The following NKX2-2 variants were observed in gnomAD, a reference collection of about 807,000 sequenced individuals.
The protein encoded by NKX2-2 is homeobox protein Nkx-2.2.
Under a neutral mutation model 24.6 loss-of-function variants are expected in NKX2-2, and 8 were observed. The ratio of observed to expected loss-of-function variants is 0.32; its 90% CI spans 0.19 to 0.59. The LOEUF (loss-of-function observed/expected upper bound fraction) is 0.59, where lower values mean the gene tolerates loss of function less well. Ranked by LOEUF, NKX2-2 falls within the 20% of genes least tolerant of loss-of-function variation. The pLI is 0.86. For missense variants in NKX2-2, 381 were observed against 373.9 expected (o/e 1.02, Z -0.16); for synonymous variants, 217 against 173.3 (o/e 1.25, Z -1.98).
Position 21,513,584 on chromosome 20 carries a change from G to T in NKX2-2, c.86C>A (p.Ala29Asp). 1 of 1,613,550 alleles carries T rather than the reference G, an allele frequency of 6.2e-7. No homozygotes were observed. The highest frequency in any genetic ancestry group is 1.1e-5 in the South Asian group (1 of 90,946). ...CTCGTTCTCTTCCTCCGGACCTTCG[G>T]CCACAGAGCCCTCCTCATCGTTGGT... ...PDTNDEEGSV[A>D]EGPEEENEGP... The change falls in exon 1 of 2, where the codon GCC (alanine) becomes GAC (aspartate). Residue 29 changes from alanine (A) to aspartate (D), a missense_variant. Ala to Asp is a moderately radical substitution (Grantham distance 126, BLOSUM62 -2). Coordinates refer to ENST00000377142, the MANE Select transcript of NKX2-2 (RefSeq NM_002509.4). The surrounding 1 kb of genome is among the most constrained non-coding windows in gnomAD (Gnocchi z 4.6).
upstream of NKX2-2, among the ~76,000 whole-genome samples, chr20:21,515,603 G>T (rs1044466554): frequency 5.9e-5 from 9 of 151,876 alleles, no homozygotes; most frequent in East Asian, 5.8e-4. Context: ...TTTTTGGGGG[G>T]GGGGTGCAGG....
chr20:21,513,388 G>C lies in NKX2-2; in HGVS notation c.259+23C>G. The C allele has an allele frequency of 6.6e-7, 1 of 1,506,706 alleles. No homozygotes were observed. Among genetic ancestry groups the C allele is most frequent in the Non-Finnish European group, 8.9e-7 (1 of 1,126,238 alleles). 93.3% of individuals were successfully genotyped at this position (1,506,706 alleles called of 1,614,324 possible). A position where few individuals can be genotyped will look rare whatever the true frequency, so the allele number is the denominator to read the frequency against. ...CAGGAATGGAGGGGACCACGGCCTC[G>C]GCAGCCAAGTTTTGCTACTTACGGG... On this transcript the variant is annotated intron_variant, in intron 1 of 1. Coordinates refer to ENST00000377142, the MANE Select transcript of NKX2-2 (RefSeq NM_002509.4). This position sits in a 1 kb window ranked among gnomAD's most constrained non-coding sequence, Gnocchi z 4.6.
At chr20:21,521,401 C>T in the NKX2-2 span, among the ~76,000 whole-genome samples, 2 of 152,158 alleles carry the variant, frequency 1.3e-5, no homozygotes, top group Non-Finnish European at 2.9e-5. Context: ...CTGACACAAA[C>T]GAGAACTGTC....
chr20:21,512,501 G>A lies in NKX2-2; in HGVS notation c.260-16C>T, dbSNP rs1400162514. On this transcript the variant is annotated splice_polypyrimidine_tract_variant and intron_variant, in intron 1 of 1. Transcript: ENST00000377142. ...AGACCGTGCACTGGGGGGAGGGGGA[G>A]AGAGAAGCGCGTCAGGCGTCTGGAG... The A allele has an allele frequency of 1.3e-6, 2 of 1,529,232 alleles. No individual in the cohort carries two copies. Among genetic ancestry groups the A allele is most frequent in the East Asian group, 4.6e-5 (2 of 43,716 alleles). The allele number at this position is 1,529,232 out of a possible 1,614,324, so 94.7% of individuals were successfully genotyped here.
At chr20:21,520,711 T>TG in the NKX2-2 span, among the ~76,000 whole-genome samples, 5 of 152,254 alleles carry the variant, frequency 3.3e-5, no homozygotes, top group Non-Finnish European at 7.4e-5. Context: ...ACCGGTTTAT[T>TG]GGGGAACCAA....
the NKX2-2 span, among the ~76,000 whole-genome samples, chr20:21,521,143 G>A: frequency 6.6e-6 from 1 of 152,084 alleles, no homozygotes; most frequent in Admixed American, 6.5e-5. Flanking sequence ...CGGGCACAGA[G>A]AGGGGGTTCC....
At chr20:21,515,635 G>A (rs1423000170), upstream of NKX2-2, among the ~76,000 whole-genome samples, 3 of 150,682 alleles carry the variant, frequency 2.0e-5, no homozygotes, top group African/African-American at 7.4e-5. Context: ...GCTACCTGAT[G>A]CTCGTTCGCC....
At chr20:21,520,318 C>T in the NKX2-2 span, among the ~76,000 whole-genome samples, 1 of 152,038 alleles carries the variant, frequency 6.6e-6, no homozygotes, top group Admixed American at 6.6e-5. Context: ...TCTCCCTATT[C>T]TTTTTCAAGG....
chr20:21,513,615 G>A lies in NKX2-2; in HGVS notation c.55C>T (p.Pro19Ser). 6.2e-7 allele frequency: 1 copy of A among 1,612,360 alleles called. No individual in the cohort carries two copies. Among genetic ancestry groups the A allele is most frequent in the Non-Finnish European group, 8.5e-7 (1 of 1,179,248 alleles). Reference sequence around the variant, plus strand: ...GAGCCCTCCTCATCGTTGGTGTCCGGCAGGTCTAAGATGTCCTTGACCGAA... The same window carrying A: ...GAGCCCTCCTCATCGTTGGTGTCCGACAGGTCTAAGATGTCCTTGACCGAA... ...GFSVKDILDL[P>S]DTNDEEGSVA... Residue 19 changes from proline to serine, a missense_variant, in exon 1 of 2, where the codon CCG (proline) becomes TCG (serine). By Grantham distance (74) the Pro-to-Ser change is moderately conservative (BLOSUM62 -1). Around this residue, in one of 3 missense-constraint regions of NKX2-2, gnomAD observed 206 missense variants for 173.1 expected, o/e 1.19. Coordinates refer to ENST00000377142, the MANE Select transcript of NKX2-2 (RefSeq NM_002509.4). This position sits in a 1 kb window ranked among gnomAD's most constrained non-coding sequence, Gnocchi z 4.6.
upstream of NKX2-2, among the ~76,000 whole-genome samples, chr20:21,514,590 C>T (rs914684907): frequency 1.3e-5 from 2 of 152,328 alleles, no homozygotes; most frequent in Admixed American, 6.5e-5. Flanking sequence ...GTTCCTACCT[C>T]CCCGCCCCCG....
rs747642629 is a variant in NKX2-2, at chr20:21,512,292, C to T, written c.453G>A (p.Arg151=). Residue 151 remains arginine (R), a synonymous_variant, in exon 2 of 2, where the codon CGG becomes CGA. Transcript: ENST00000377142. The part of the protein sequence containing the change: ...YELERRFRQQ[R]YLSAPEREHL... ...GTTCGCGCTCGGGCGCCGACAGGTA[C>T]CGCTGCTGCCGAAAGCGCCGCTCCA... 2.5e-6 allele frequency: 4 copies of T among 1,613,502 alleles called. No homozygotes were observed. The highest frequency in any genetic ancestry group is 3.4e-6 in the Non-Finnish European group (4 of 1,179,906).
At chr20:21,516,695 C>A (rs372574102), upstream of NKX2-2, among the ~76,000 whole-genome samples, 1 of 152,176 alleles carries the variant, frequency 6.6e-6, no homozygotes. Context: ...GTCTTGGGGT[C>A]CAGGGCAGCC....
intron 1 of NKX2-2, 47 bp from the exon 2 acceptor site, chr20:21,512,532 G>T: frequency 7.2e-7 from 1 of 1,388,224 alleles, no homozygotes; most frequent in Non-Finnish European, 9.7e-7. Flanking sequence ...TGGAGGCCGC[G>T]CGCAGCCTGC....
rs1163381225 is a variant in NKX2-2 at position 21,513,484 on chromosome 20, C to A, written c.186G>T (p.Lys62Asn). ...TGTCGCTGCTGTCGTAGAAGGGGTT[C>A]TTCAGGGGCAGGCTCTGCACCGCGT... ...ALDAVQSLPL[K>N]NPFYDSSDNP... The change falls in exon 1 of 2, where the codon AAG (lysine) becomes AAT (asparagine). Residue 62 changes from lysine to asparagine, a missense_variant. Physicochemically the swap from Lys to Asn is moderately conservative, Grantham distance 94 (BLOSUM62 0). This residue lies in a region of NKX2-2 where 206 missense variants were observed against 173.1 expected (regional missense o/e 1.19). Coordinates refer to ENST00000377142, the MANE Select transcript of NKX2-2 (RefSeq NM_002509.4). This position sits in a 1 kb window ranked among gnomAD's most constrained non-coding sequence, Gnocchi z 4.6. 6.2e-7 allele frequency: 1 copy of A among 1,611,072 alleles called. No individual in the cohort carries two copies. Among genetic ancestry groups the A allele is most frequent in the East Asian group, 2.2e-5 (1 of 44,632 alleles).
chr20:21,519,557 T>C, the NKX2-2 span, among the ~76,000 whole-genome samples: 1 of 152,172 alleles, frequency 6.6e-6, no homozygotes, highest in Admixed American at 6.5e-5. Context: ...ATAAAGACGT[T>C]CACCTTAAGG....
rs1364993857 is a variant in NKX2-2 at position 21,512,353 on chromosome 20, C to T, written c.392G>A (p.Arg131Gln). The change falls in exon 2 of 2, where the codon CGG (arginine) becomes CAG (glutamine). Residue 131 changes from arginine (R) to glutamine (Q), a missense_variant. This residue lies in a region of NKX2-2 where 36 missense variants were observed against 79.2 expected (regional missense o/e 0.45). Transcript: ENST00000377142. ...CTGCGCCTTGGAGAAAAGCACTCGCCGCTTTCGCTTCTTGCCGGCGTCCCC... is the reference window on the plus strand; with the variant it reads ...CTGCGCCTTGGAGAAAAGCACTCGCTGCTTTCGCTTCTTGCCGGCGTCCCC... ...GGGDAGKKRK[R>Q]RVLFSKAQTY... The T allele has an allele frequency of 1.2e-6, 2 of 1,610,742 alleles. No individual in the cohort carries two copies. Among genetic ancestry groups the T allele is most frequent in the South Asian group, 1.1e-5 (1 of 90,686 alleles).
chr20:21,519,971 T>A, the NKX2-2 span, among the ~76,000 whole-genome samples: 1 of 151,494 alleles, frequency 6.6e-6, no homozygotes, highest in African/African-American at 2.4e-5. Context: ...AGAAAGGAAA[T>A]CTCAGCCTGC....
chr20:21,518,909 C>G (rs1002812603), upstream of NKX2-2, among the ~76,000 whole-genome samples: 4 of 152,214 alleles, frequency 2.6e-5, no homozygotes, highest in Non-Finnish European at 5.9e-5. Context: ...CTGGGCACCT[C>G]TTTGGAGACG....
chr20:21,519,024 AG>A (rs1432970930), upstream of NKX2-2, among the ~76,000 whole-genome samples: 3 of 148,924 alleles, frequency 2.0e-5, no homozygotes, highest in African/African-American at 7.4e-5. Flanking sequence ...CTTCGGGGGT[AG>A]GGGTGGGGTC....
Sources: allele counts gnomAD v4.1 joint callset (sites outside exome capture counted in the v4.1 genomes callset), GRCh38; gene constraint gnomAD v4.1.1; regional missense constraint gnomAD v4.1.1; non-coding constraint Gnocchi (gnomAD v3.1); transcripts MANE v1.5; gene names NCBI Gene and HGNC (gene_info 2026-07-23, HGNC 2026-07-21).